Variants in QTMAN observed in about 807,000 individuals in gnomAD.
The protein encoded by QTMAN is tRNA-queuosine alpha-mannosyltransferase.
the QTMAN span, among the ~76,000 whole-genome samples, chr2:144,133,146 T>TATATA: frequency 2.8e-4 from 15 of 53,252 alleles, no homozygotes; most frequent in East Asian, 9.6e-4. Flanking sequence ...TATATATATA[T>TATATA]ATATAATATA....
the QTMAN span, among the ~76,000 whole-genome samples, chr2:144,180,122 A>C: frequency 6.6e-6 from 1 of 152,222 alleles, no homozygotes; most frequent in South Asian, 2.1e-4. Context: ...CAGAAAAAAC[A>C]GGTAATCTTA....
the QTMAN span, among the ~76,000 whole-genome samples, chr2:143,985,656 T>C: frequency 2.6e-5 from 4 of 152,216 alleles, no homozygotes; most frequent in Admixed American, 2.6e-4. Context: ...GCTTTCTAAA[T>C]GAGAAACTTT....
chr2:144,129,122 T>C, the QTMAN span, among the ~76,000 whole-genome samples: 2 of 151,930 alleles, frequency 1.3e-5, no homozygotes, highest in Non-Finnish European at 2.9e-5. Context: ...TTTGATATTA[T>C]AAAAATGAAA....
chr2:144,292,337 C>T, the QTMAN span, among the ~76,000 whole-genome samples: 1 of 152,142 alleles, frequency 6.6e-6, no homozygotes, highest in Admixed American at 6.6e-5. Flanking sequence ...ATCTGCTCAG[C>T]CTAAAATACC....
chr2:144,284,933 C>CTTT, the QTMAN span, among the ~76,000 whole-genome samples: 1 of 128,394 alleles, frequency 7.8e-6, no homozygotes. Context: ...GGAGGCCAAA[C>CTTT]TTTTTTTTTT....
chr2:143,958,323 G>C, the QTMAN span, among the ~76,000 whole-genome samples: 1 of 152,074 alleles, frequency 6.6e-6, no homozygotes, highest in Admixed American at 6.6e-5. Context: ...AACAAGCCTA[G>C]AAGAAATAAA....
At chr2:144,012,440 C>A in the QTMAN span, among the ~76,000 whole-genome samples, 1 of 152,128 alleles carries the variant, frequency 6.6e-6, no homozygotes, top group Non-Finnish European at 1.5e-5. Flanking sequence ...GCTCTGGGCA[C>A]CTTAGCTTAT....
the QTMAN span, among the ~76,000 whole-genome samples, chr2:144,192,126 T>C: frequency 6.6e-6 from 1 of 151,998 alleles, no homozygotes; most frequent in Admixed American, 6.6e-5. Flanking sequence ...TTTTTCTTTT[T>C]GAGTGAGTCT....
At chr2:144,289,306 C>T in the QTMAN span, among the ~76,000 whole-genome samples, 1 of 152,118 alleles carries the variant, frequency 6.6e-6, no homozygotes, top group African/African-American at 2.4e-5. Flanking sequence ...GAATTACAGG[C>T]GTGAGCCACT....
At chr2:144,247,034 C>G in the QTMAN span, among the ~76,000 whole-genome samples, 1 of 152,092 alleles carries the variant, frequency 6.6e-6, no homozygotes, top group Non-Finnish European at 1.5e-5. Context: ...TTTTCTGTCA[C>G]AAAACCTTTC....
At chr2:144,107,691 A>T in the QTMAN span, among the ~76,000 whole-genome samples, 1 of 152,232 alleles carries the variant, frequency 6.6e-6, no homozygotes, top group Non-Finnish European at 1.5e-5. Context: ...AGGAGCTGGT[A>T]CCATTCCTTC....
the QTMAN span, among the ~76,000 whole-genome samples, chr2:144,117,243 A>G: frequency 6.6e-6 from 1 of 152,158 alleles, no homozygotes; most frequent in Non-Finnish European, 1.5e-5. Context: ...TTCCACTTTC[A>G]TGTAATCAGC....
At chr2:144,001,837 T>C in the QTMAN span, among the ~76,000 whole-genome samples, 1 of 151,566 alleles carries the variant, frequency 6.6e-6, no homozygotes, top group Non-Finnish European at 1.5e-5. Flanking sequence ...AAAAAATTAA[T>C]ATTCAGGGGA....
the QTMAN span, among the ~76,000 whole-genome samples, chr2:144,307,811 A>G: frequency 1.3e-5 from 2 of 152,194 alleles, no homozygotes; most frequent in Admixed American, 6.5e-5. Context: ...GAAAACTACA[A>G]AACATTACTC....
the QTMAN span, among the ~76,000 whole-genome samples, chr2:143,973,788 CAAA>C: frequency 3.4e-5 from 3 of 89,212 alleles, no homozygotes. Context: ...AACTCCGTCT[CAAA>C]AAAAAAAAAA....
At chr2:144,013,616 C>G in the QTMAN span, among the ~76,000 whole-genome samples, 1 of 152,048 alleles carries the variant, frequency 6.6e-6, no homozygotes, top group African/African-American at 2.4e-5. Context: ...ATATGGATGA[C>G]AGCAGAAAAA....
the QTMAN span, among the ~76,000 whole-genome samples, chr2:144,131,467 C>T: frequency 6.6e-6 from 1 of 151,820 alleles, no homozygotes; most frequent in African/African-American, 2.4e-5. Flanking sequence ...TTCTCTGTTT[C>T]TTATCTCCTT....
chr2:144,306,396 G>A, the QTMAN span, among the ~76,000 whole-genome samples: 1 of 152,174 alleles, frequency 6.6e-6, no homozygotes, highest in Non-Finnish European at 1.5e-5. Flanking sequence ...CAGTTCTGGA[G>A]GCTGGGATGA....
chr2:143,991,228 A>G, the QTMAN span, among the ~76,000 whole-genome samples: 1 of 152,234 alleles, frequency 6.6e-6, no homozygotes, highest in African/African-American at 2.4e-5. Flanking sequence ...TGGATGAAAG[A>G]TCCAACTTAA....
Sources: gnomAD v4.1 joint callset for allele counts (sites outside exome capture counted in the v4.1 genomes callset) on GRCh38, gnomAD v4.1.1 for gene constraint, MANE v1.5 for transcripts, NCBI Gene and HGNC (gene_info 2026-07-23, HGNC 2026-07-21) for gene names.